MKRN1: variants seen among roughly 807,000 people sequenced by gnomAD.
MKRN1 encodes makorin ring finger protein 1.
MKRN1 carries 9 observed loss-of-function variants against 55.5 expected under a neutral mutation model. The observed-to-expected ratio is 0.16, with a 90% CI of 0.10 to 0.28. The LOEUF is 0.28. Among genes scored for constraint, MKRN1 ranks in the 10% least tolerant of loss-of-function variants. MKRN1 has a pLI of 1.00. For missense variants in MKRN1, 488 were observed against 626.7 expected, an observed-to-expected ratio of 0.78 and a Z score of 2.36; for synonymous variants, 253 against 235.9, an observed-to-expected ratio of 1.07 and a Z score of -0.66.
At chr7:140,474,441 G>C in intron 1 of MKRN1, 1 of 362,344 alleles carries the variant, frequency 2.8e-6, no homozygotes, top group Non-Finnish European at 5.7e-6. Flanking sequence ...GTGGGTTGGG[G>C]GGGGCCCAGA....
chr7:140,459,322 TA>T, intron 3 of MKRN1, 89 bp from the exon 4 acceptor site: 2 of 1,318,260 alleles, frequency 1.5e-6, no homozygotes, highest in South Asian at 2.5e-5. Flanking sequence ...AAAATGAAAA[TA>T]AAACTGCAAT....
intron 2 of MKRN1, among the ~76,000 whole-genome samples, chr7:140,466,653 A>C (rs1449488012): frequency 6.7e-6 from 1 of 149,422 alleles, no homozygotes; most frequent in African/African-American, 2.5e-5. Context: ...AAATACAAAA[A>C]ATTAGCCGGG....
intron 2 of MKRN1, among the ~76,000 whole-genome samples, chr7:140,470,233 G>A (rs1337503284): frequency 2.1e-5 from 3 of 140,596 alleles, no homozygotes; most frequent in African/African-American, 5.3e-5. Flanking sequence ...AAAAAAAAAA[G>A]GCCAAGTGGT....
At chr7:140,478,973 GGTT>G (rs1398574337) in intron 1 of MKRN1, 184 bp downstream of exon 1, 37 of 661,760 alleles carry the variant, frequency 5.6e-5, no homozygotes, top group Non-Finnish European at 7.5e-5. Flanking sequence ...GCCCAGCGGG[GGTT>G]GACGCAGTGA....
Position 140,466,531 on chromosome 7 carries a change from G to A in MKRN1, c.314+5352C>T, listed in dbSNP as rs530595653. ...AGAATAAAAAAACTTAAGGCCGGGC[G>A]CGGTGGCTCACGCCTGTAATCCCAG... On this transcript the variant is annotated intron_variant, in intron 2 of 7. Transcript: ENST00000255977. 1.3e-4 allele frequency among the ~76,000 whole-genome samples: 20 copies of A among 152,212 alleles called. No individual in the cohort carries two copies. In the East Asian group the frequency reaches 1.7e-3, roughly 13 times the overall value.
chr7:140,466,012 C>A (rs1225625761), intron 2 of MKRN1, among the ~76,000 whole-genome samples: 4 of 151,896 alleles, frequency 2.6e-5, no homozygotes, highest in Non-Finnish European at 5.9e-5. Context: ...ACCCAGGAGG[C>A]GGACATTGCA....
chr7:140,472,140 C>T, intron 1 of MKRN1, 129 bp from the exon 2 acceptor site: 2 of 1,312,772 alleles, frequency 1.5e-6, no homozygotes, highest in Non-Finnish European at 2.1e-6. Context: ...AAAGAAAGGG[C>T]CAGGCATGGT....
At chr7:140,456,443 C>G (rs1794468273) in intron 5 of MKRN1, 3 of 1,402,560 alleles carry the variant, frequency 2.1e-6, no homozygotes, top group Non-Finnish European at 2.8e-6. Flanking sequence ...CTAACTGATA[C>G]ACAGGGTTTC....
At chr7:140,473,820 G>A (rs995354541) in intron 1 of MKRN1, 4 of 150,824 alleles carry the variant, frequency 2.7e-5, no homozygotes, top group South Asian at 2.1e-4. Context: ...TGGTGAAAGC[G>A]GTACCTACTA....
chr7:140,465,203 G>T (rs1220145575), intron 2 of MKRN1, among the ~76,000 whole-genome samples: 1 of 152,040 alleles, frequency 6.6e-6, no homozygotes, highest in Non-Finnish European at 1.5e-5. Context: ...CAAACAAGAA[G>T]TCAACCAAAC....
At chr7:140,464,774 T>A (rs1794723991) in intron 2 of MKRN1, among the ~76,000 whole-genome samples, 1 of 152,132 alleles carries the variant, frequency 6.6e-6, no homozygotes, top group African/African-American at 2.4e-5. Flanking sequence ...AAAAATTAGT[T>A]ATTTTTACAA....
At position 140,459,848 on chromosome 7, in the gene MKRN1, A is replaced by C. The variant is rs907882323; in HGVS notation, c.403T>G (p.Ser135Ala). Residue 135 changes from serine to alanine, a missense_variant, in exon 3 of 8, where the codon TCA becomes GCA. Transcript: ENST00000255977. ...TCAACAAGTGGTCCAACTATCGATG[A>C]GAGACTTGAGGAAGCAGCAAGGGAT... is the stretch of plus-strand genomic sequence containing the variant. ...KSSLAASSSLSSIVGPLVEMN... is the reference protein window; with the variant it reads ...KSSLAASSSLASIVGPLVEMN... The C allele has an allele frequency of 6.2e-7, 1 of 1,614,014 alleles. No homozygotes were observed. The highest frequency in any genetic ancestry group is 1.3e-5 in the African/African-American group (1 of 75,050).
At chr7:140,460,410 T>G (rs1259940360) in intron 2 of MKRN1, among the ~76,000 whole-genome samples, 2 of 149,130 alleles carry the variant, frequency 1.3e-5, no homozygotes, top group African/African-American at 2.5e-5. Flanking sequence ...CCTGGGTTCA[T>G]GGGATTCTCC....
Position 140,459,938 on chromosome 7 carries a change from T to C in MKRN1, c.315-2A>G. 6.2e-7 allele frequency: 1 copy of C among 1,611,106 alleles called. No individual in the cohort carries two copies. ...TTCAATGGTTTGCTATGTTCATATC[T>C]AAGAAAAAATTCAAAAGTAAGCAGT... On this transcript the variant is annotated splice_acceptor_variant, in intron 2 of 7. Transcript: ENST00000255977. LOFTEE classifies it high-confidence loss of function.
rs111671771 is a variant in MKRN1, at chr7:140,475,562, G to A, written c.186-3551C>T. On this transcript the variant is annotated intron_variant, in intron 1 of 7. Coordinates refer to ENST00000255977, the MANE Select transcript of MKRN1 (RefSeq NM_013446.4). ...GCCTGTAATTCCAGCTACTGGGGAG[G>A]TTCAAGCAGGAGGATTGCTTGAGCC... Among the ~76,000 whole-genome samples the A allele has an allele frequency of 2.1e-3, 317 of 152,216 alleles. 1 individual carries two copies. Among genetic ancestry groups the A allele is most frequent in the Non-Finnish European group, 3.8e-3 (259 of 68,004 alleles).
chr7:140,456,141 T>G, intron 5 of MKRN1: 1 of 1,123,004 alleles, frequency 8.9e-7, no homozygotes, highest in Non-Finnish European at 1.1e-6. Context: ...AAAATATAAC[T>G]TAGGTAAAAA....
chr7:140,461,616 C>T (rs2130277709), intron 2 of MKRN1, among the ~76,000 whole-genome samples: 1 of 151,956 alleles, frequency 6.6e-6, no homozygotes, highest in South Asian at 2.1e-4. Context: ...GCCTGGGCAA[C>T]AGAGTGAGAC....
chr7:140,468,805 A>G (rs1159230199), intron 2 of MKRN1, among the ~76,000 whole-genome samples: 1 of 151,978 alleles, frequency 6.6e-6, no homozygotes, highest in Non-Finnish European at 1.5e-5. Context: ...ATGACAAATT[A>G]GCAAAGGGCA....
rs1189470425 is a variant in MKRN1 at position 140,454,494 on chromosome 7, A to C, written c.*23T>G. On this transcript the variant is annotated 3_prime_UTR_variant, in exon 8 of 8. Transcript: ENST00000255977. ...AGCTGCTGTCTGAGGTCAGCAGACC[A>C]GTTCACACGCCACGCAAGGTTGCTA... is the stretch of plus-strand genomic sequence containing the variant. 1 of 1,602,330 alleles carries C rather than the reference A, an allele frequency of 6.2e-7. No homozygotes were observed. Among genetic ancestry groups the C allele is most frequent in the East Asian group, 2.2e-5 (1 of 44,790 alleles).
Sources: gnomAD v4.1 joint callset for allele counts (sites outside exome capture counted in the v4.1 genomes callset) on GRCh38, gnomAD v4.1.1 for gene constraint, MANE v1.5 for transcripts, NCBI Gene and HGNC (gene_info 2026-07-23, HGNC 2026-07-21) for gene names.